The following KLHL29 variants were observed in gnomAD, a reference collection of about 807,000 sequenced individuals.
The protein encoded by KLHL29 is kelch-like protein 29.
Under a neutral mutation model 80.4 loss-of-function variants are expected in KLHL29, and 21 were observed. The observed-to-expected ratio is 0.26, with a 90% CI of 0.19 to 0.38. The LOEUF (loss-of-function observed/expected upper bound fraction) is 0.38, where lower values mean the gene tolerates loss of function less well. Ranked by LOEUF, KLHL29 falls within the 10% of genes least tolerant of loss-of-function variation. KLHL29 has a pLI of 1.00. For synonymous variants in KLHL29, 511 were observed against 526.8 expected (o/e 0.97, Z 0.41); for missense variants, 867 against 1,223.9 (o/e 0.71, Z 4.35).
intron 3 of KLHL29, among the ~76,000 whole-genome samples, chr2:23,597,357 GTATGTATATATATA>G (rs1388040097): frequency 1.5e-4 from 17 of 113,132 alleles, no homozygotes; most frequent in South Asian, 2.9e-4. Flanking sequence ...ATGTATATGT[GTATGTATATATATA>G]TGTGTGTGTG....
Position 23,558,967 on chromosome 2 carries a change from TAGAC to T in KLHL29, c.-45-3182_-45-3179del, listed in dbSNP as rs1188174188. 2.0e-5 allele frequency among the ~76,000 whole-genome samples: 3 copies of T among 152,220 alleles called. No homozygotes were observed. The South Asian group carries it at 6.2e-4, about 31-fold the overall frequency. On this transcript the variant is annotated intron_variant, in intron 2 of 13. Coordinates refer to ENST00000486442, the MANE Select transcript of KLHL29 (RefSeq NM_052920.2). ...CAAACCCTGTTCTCAAGGTAGCAGA[TAGAC>T]AGCAGCCGTGGCTGCAGGGAGGGCG...
intron 1 of KLHL29, among the ~76,000 whole-genome samples, chr2:23,432,187 T>G (rs1572507769): frequency 6.6e-6 from 1 of 152,366 alleles, no homozygotes; most frequent in East Asian, 1.9e-4. Flanking sequence ...TCTGCTTTTT[T>G]CACTTAGAGA....
At chr2:23,683,688 A>G (rs1008220803) in intron 5 of KLHL29, among the ~76,000 whole-genome samples, 1 of 152,224 alleles carries the variant, frequency 6.6e-6, no homozygotes, top group African/African-American at 2.4e-5. Flanking sequence ...GCTGTAAAGC[A>G]GGCTCTGCCC....
intron 1 of KLHL29, among the ~76,000 whole-genome samples, chr2:23,474,807 A>G (rs1370021764): frequency 2.0e-5 from 3 of 152,172 alleles, no homozygotes; most frequent in Non-Finnish European, 2.9e-5. Context: ...GGAAAAAGGA[A>G]AATCAATTGA....
At chr2:23,595,916 A>G (rs1483841404) in intron 3 of KLHL29, among the ~76,000 whole-genome samples, 1 of 152,128 alleles carries the variant, frequency 6.6e-6, no homozygotes, top group Non-Finnish European at 1.5e-5. Flanking sequence ...CTGTCTGTAA[A>G]TCACTCTCCT....
chr2:23,429,900 AT>A (rs1036464492), intron 1 of KLHL29, among the ~76,000 whole-genome samples: 1 of 151,960 alleles, frequency 6.6e-6, no homozygotes, highest in Non-Finnish European at 1.5e-5. Flanking sequence ...TATTTTTTCA[AT>A]TTTTTTAATA....
Position 23,470,543 on chromosome 2 carries a change from A to T in KLHL29, c.-153-5017A>T, listed in dbSNP as rs547296915. Among the ~76,000 whole-genome samples the T allele has an allele frequency of 2.0e-5, 3 of 152,352 alleles. No individual in the cohort carries two copies. The South Asian group carries it at 6.2e-4, about 32-fold the overall frequency. ...CTCATAAATTTGTTAGAACAGGTAA[A>T]TGAGAAAATAAGAATGGGCTAGGCT... On this transcript the variant is annotated intron_variant, in intron 1 of 13. Transcript: ENST00000486442.
At chr2:23,687,758 A>AG (rs927355617) in intron 6 of KLHL29, among the ~76,000 whole-genome samples, 4 of 152,048 alleles carry the variant, frequency 2.6e-5, no homozygotes, top group Non-Finnish European at 5.9e-5. Context: ...GAAAGGCGGG[A>AG]GGGGGTCTCA....
At chr2:23,692,858 G>A (rs764924578) in intron 7 of KLHL29, among the ~76,000 whole-genome samples, 7 of 152,144 alleles carry the variant, frequency 4.6e-5, no homozygotes, top group South Asian at 4.1e-4. Flanking sequence ...TACTGCTAAC[G>A]AAGGAGTCTG....
intron 5 of KLHL29, among the ~76,000 whole-genome samples, chr2:23,657,349 C>CT (rs1165056426): frequency 6.6e-6 from 1 of 152,178 alleles, no homozygotes; most frequent in African/African-American, 2.4e-5. Flanking sequence ...ATTCTTGCCT[C>CT]TTTTCACTTC....
At chr2:23,584,702 A>G (rs1030832096) in intron 3 of KLHL29, among the ~76,000 whole-genome samples, 3 of 152,174 alleles carry the variant, frequency 2.0e-5, no homozygotes, top group African/African-American at 7.2e-5. Context: ...CACTTTGTCT[A>G]GGAAGTTTTA....
chr2:23,703,888 AG>A, intron 13 of KLHL29, 25 bp downstream of exon 13: 1 of 1,531,044 alleles, frequency 6.5e-7, no homozygotes, highest in South Asian at 1.2e-5. Context: ...CGCCTTGACT[AG>A]GGCTGGGACG....
intron 4 of KLHL29, 55 bp from the exon 5 acceptor site, chr2:23,642,283 G>A: frequency 5.8e-6 from 8 of 1,390,578 alleles, no homozygotes; most frequent in Non-Finnish European, 6.6e-6. Flanking sequence ...GATGGTCAGT[G>A]TTTGTTGAAT....
At chr2:23,540,158 C>T (rs370344690) in intron 2 of KLHL29, among the ~76,000 whole-genome samples, 6 of 152,216 alleles carry the variant, frequency 3.9e-5, no homozygotes, top group African/African-American at 1.4e-4. Context: ...TCCAGGCTCC[C>T]GTCCTGCAAT....
chr2:23,459,475 C>A (rs964875141), intron 1 of KLHL29, among the ~76,000 whole-genome samples: 1 of 152,106 alleles, frequency 6.6e-6, no homozygotes, highest in Non-Finnish European at 1.5e-5. Context: ...AAAACATCTT[C>A]TAGGAGCTCT....
At chr2:23,614,496 AAAAC>A (rs570971183) in intron 3 of KLHL29, among the ~76,000 whole-genome samples, 27 of 152,364 alleles carry the variant, frequency 1.8e-4, no homozygotes, top group South Asian at 8.3e-4. Flanking sequence ...TCTAAACAAC[AAAAC>A]AAACAGACAA....
intron 13 of KLHL29, 32 bp downstream of exon 13, chr2:23,703,895 GGACGGAGGAGTGGGAGGAGGAGGGGTGT>G: frequency 1.3e-6 from 2 of 1,523,244 alleles, no homozygotes; most frequent in Non-Finnish European, 1.8e-6. Context: ...ACTAGGGCTG[GGACGGAGGAGTGGGAGGAGGAGGGGTGT>G]GACCACAATG....
Position 23,696,511 on chromosome 2 carries a change from G to C in KLHL29, c.2103G>C (p.Glu701Asp), listed in dbSNP as rs1671967253. The C allele has an allele frequency of 3.3e-6, 5 of 1,519,794 alleles. No individual in the cohort carries two copies. In the East Asian group the frequency reaches 1.2e-4, roughly 37 times the overall value. The allele number at this position is 1,519,794 out of a possible 1,614,324, so 94.1% of individuals were successfully genotyped here. A position where few individuals can be genotyped will look rare whatever the true frequency, so the allele number is the denominator to read the frequency against. Reference sequence around the variant, plus strand: ...TGGCAGGCAACGTGGACCACGTGGAGAGGTAATGAGGCCACGGTCAGGACA... The same window carrying C: ...TGGCAGGCAACGTGGACCACGTGGACAGGTAATGAGGCCACGGTCAGGACA... ...LGVAGNVDHV[E>D]RYDTITNQWE... is the part of the protein sequence containing the mutation. The change falls in exon 11 of 14, where the codon GAG becomes GAC. Residue 701 changes from glutamate to aspartate, a missense_variant and splice_region_variant. Coordinates refer to ENST00000486442, the MANE Select transcript of KLHL29 (RefSeq NM_052920.2). This position sits in a 1 kb window ranked among gnomAD's most constrained non-coding sequence, Gnocchi z 5.5.
chr2:23,702,282 C>G (rs1315819055), intron 11 of KLHL29, among the ~76,000 whole-genome samples: 3 of 152,198 alleles, frequency 2.0e-5, no homozygotes, highest in Non-Finnish European at 4.4e-5. Flanking sequence ...CATCATAGTT[C>G]AGCCAGCTTA....
Sources: allele counts gnomAD v4.1 joint callset (sites outside exome capture counted in the v4.1 genomes callset), GRCh38; gene constraint gnomAD v4.1.1; non-coding constraint Gnocchi (gnomAD v3.1); transcripts MANE v1.5; gene names NCBI Gene and HGNC (gene_info 2026-07-23, HGNC 2026-07-21).